SRGAP1: variants seen among roughly 807,000 people sequenced by gnomAD.
SRGAP1 encodes SLIT-ROBO Rho GTPase activating protein 1, also known as SLIT-ROBO Rho GTPase-activating protein 1.
In SRGAP1, 43 loss-of-function variants were observed where a neutral mutation model predicts 121.9. The observed-to-expected ratio is 0.35, with a 90% CI of 0.28 to 0.46. The LOEUF is 0.46. Among genes scored for constraint, SRGAP1 ranks in the 20% least tolerant of loss-of-function variants. SRGAP1 has a pLI of 1.00. For missense variants in SRGAP1, 1,102 were observed against 1,350.9 expected (o/e 0.82, Z 2.89); for synonymous variants, 447 against 485.4 (o/e 0.92, Z 1.04).
intron 1 of SRGAP1, among the ~76,000 whole-genome samples, chr12:63,972,719 A>G (rs1480425018): frequency 6.6e-6 from 1 of 152,244 alleles, no homozygotes; most frequent in African/African-American, 2.4e-5. Context: ...ATAATGATCT[A>G]AAACAAAAGC....
chr12:63,908,391 A>G (rs1165848857), intron 1 of SRGAP1, among the ~76,000 whole-genome samples: 1 of 152,112 alleles, frequency 6.6e-6, no homozygotes, highest in Non-Finnish European at 1.5e-5. Context: ...TTTTTCAACA[A>G]TGTTTTGTAG....
intron 1 of SRGAP1, among the ~76,000 whole-genome samples, chr12:63,935,551 A>G (rs1278278009): frequency 2.6e-5 from 4 of 152,228 alleles, no homozygotes; most frequent in East Asian, 3.8e-4. Context: ...GGCTTCAATT[A>G]TAAGTATAAA....
chr12:64,081,824 C>G (rs796854087), intron 10 of SRGAP1: 12 of 150,354 alleles, frequency 8.0e-5, no homozygotes, highest in African/African-American at 2.7e-4. Context: ...GTCAATGTGG[C>G]AAACATTAAC....
At chr12:63,981,557 AAGAC>A (rs2033246817) in intron 1 of SRGAP1, among the ~76,000 whole-genome samples, 1 of 152,206 alleles carries the variant, frequency 6.6e-6, no homozygotes, top group African/African-American at 2.4e-5. Context: ...GCGTTTTTGA[AAGAC>A]AAAGTTTGGC....
Position 64,127,646 on chromosome 12 carries a change from G to A in SRGAP1, c.2462G>A (p.Gly821Glu). The change falls in exon 20 of 22, where the codon GGG becomes GAG. Residue 821 changes from glycine (G) to glutamate (E), a missense_variant. By Grantham distance (98) the Gly-to-Glu change is moderately conservative. This residue lies in a region of SRGAP1 where 40 missense variants were observed against 78.4 expected (regional missense o/e 0.51). Transcript: ENST00000355086. ...SQKADSEASS[G>E]PVTEDKSSSK... The stretch of plus-strand genomic sequence containing the variant: ...AAAGCCGACAGTGAGGCCAGCAGTG[G>A]GCCAGTCACGGAAGACAAGTCCTCA... 6.2e-7 allele frequency: 1 copy of A among 1,614,034 alleles called. No homozygotes were observed. The highest frequency in any genetic ancestry group is 8.5e-7 in the Non-Finnish European group (1 of 1,180,000).
In SRGAP1 at chr12:64,080,598, A is replaced by G. The variant is rs1360232687; in HGVS notation, c.1408+228A>G. ...CGTAGTGAAATCTAGGGAGGGCTGGAAAGTCAATACCGAGCTCCTAGGGAG... is the reference window on the plus strand; with the variant it reads ...CGTAGTGAAATCTAGGGAGGGCTGGGAAGTCAATACCGAGCTCCTAGGGAG... On this transcript the variant is annotated intron_variant, in intron 10 of 21. Transcript: ENST00000355086. 6.6e-6 allele frequency: 4 copies of G among 602,850 alleles called. No individual in the cohort carries two copies. In the East Asian group the frequency reaches 1.2e-4, roughly 18 times the overall value. 37.3% of individuals were successfully genotyped at this position (602,850 alleles called of 1,614,324 possible).
chr12:63,854,158 A>G (rs570567776), intron 1 of SRGAP1, among the ~76,000 whole-genome samples: 2 of 152,256 alleles, frequency 1.3e-5, no homozygotes, highest in South Asian at 2.1e-4. Flanking sequence ...ACCCCCATGG[A>G]ATGTCCCTTT....
intron 1 of SRGAP1, among the ~76,000 whole-genome samples, chr12:63,968,839 C>T (rs1438843745): frequency 6.6e-6 from 1 of 152,180 alleles, no homozygotes; most frequent in East Asian, 1.9e-4. Flanking sequence ...GCAGACTGCT[C>T]GCTTGCCTCT....
intron 3 of SRGAP1, among the ~76,000 whole-genome samples, chr12:63,993,065 CAG>C (rs1555162846): frequency 6.6e-6 from 1 of 152,162 alleles, no homozygotes; most frequent in African/African-American, 2.4e-5. Context: ...GCAAAGGACA[CAG>C]GGAGAAATCA....
rs562549009 is a variant in SRGAP1, at chr12:64,076,802, C to T, written c.1126-2117C>T. Among the ~76,000 whole-genome samples, 119 of 152,070 alleles carry T rather than the reference C, an allele frequency of 7.8e-4. 1 individual carries two copies. Among genetic ancestry groups the T allele is most frequent in the African/African-American group, 2.7e-3 (110 of 41,502 alleles). On this transcript the variant is annotated intron_variant, in intron 8 of 21. Coordinates refer to ENST00000355086, the MANE Select transcript of SRGAP1 (RefSeq NM_020762.4). ...GCTGGATTACAGGCACATACCACCA[C>T]GCCCAGCTATTTTGTATTTTTAGTA...
intron 1 of SRGAP1, among the ~76,000 whole-genome samples, chr12:63,941,772 A>G (rs1326887030): frequency 1.3e-5 from 2 of 152,176 alleles, no homozygotes; most frequent in African/African-American, 2.4e-5. Context: ...TTTGTGGGAA[A>G]TAATTTAACC....
chr12:63,862,931 A>T (rs2136268590), intron 1 of SRGAP1, among the ~76,000 whole-genome samples: 1 of 152,318 alleles, frequency 6.6e-6, no homozygotes, highest in African/African-American at 2.4e-5. Context: ...AGTTCTGCCC[A>T]TTCCCTGTTC....
At chr12:64,030,030 C>T (rs2136485582) in intron 4 of SRGAP1, among the ~76,000 whole-genome samples, 1 of 152,230 alleles carries the variant, frequency 6.6e-6, no homozygotes, top group Non-Finnish European at 1.5e-5. Context: ...AGAAAAGAAT[C>T]TTTTGCTAAA....
intron 1 of SRGAP1, among the ~76,000 whole-genome samples, chr12:63,935,513 T>A (rs1347625037): frequency 1.3e-5 from 2 of 152,182 alleles, no homozygotes; most frequent in Non-Finnish European, 2.9e-5. Flanking sequence ...TCTACATAGT[T>A]TGGTATCATG....
chr12:63,965,973 T>C (rs911691790), intron 1 of SRGAP1, among the ~76,000 whole-genome samples: 3 of 152,148 alleles, frequency 2.0e-5, no homozygotes, highest in Non-Finnish European at 4.4e-5. Flanking sequence ...GCATCCGCCA[T>C]CATGCCCAGC....
intron 4 of SRGAP1, among the ~76,000 whole-genome samples, chr12:64,042,382 T>C (rs2035043029): frequency 6.6e-6 from 1 of 152,200 alleles, no homozygotes; most frequent in South Asian, 2.1e-4. Context: ...GCAATAAAAT[T>C]CCTTTAATAA....
intron 1 of SRGAP1, among the ~76,000 whole-genome samples, chr12:63,860,583 G>C (rs887226224): frequency 6.6e-6 from 1 of 152,086 alleles, no homozygotes; most frequent in Non-Finnish European, 1.5e-5. Flanking sequence ...ACATAAAATT[G>C]TTTACAGCAT....
chr12:63,918,800 C>T (rs1022943532), intron 1 of SRGAP1, among the ~76,000 whole-genome samples: 4 of 152,022 alleles, frequency 2.6e-5, no homozygotes, highest in Admixed American at 6.6e-5. Context: ...TTGTATATGC[C>T]GAGTACTCTT....
intron 8 of SRGAP1, among the ~76,000 whole-genome samples, chr12:64,070,623 T>C (rs2035621219): frequency 1.3e-5 from 2 of 152,202 alleles, no homozygotes; most frequent in Admixed American, 1.3e-4. Flanking sequence ...TAAATTTTCC[T>C]AGCACCATTT....
Sources: allele counts gnomAD v4.1 joint callset (sites outside exome capture counted in the v4.1 genomes callset), GRCh38; gene constraint gnomAD v4.1.1; regional missense constraint gnomAD v4.1.1; transcripts MANE v1.5; gene names NCBI Gene and HGNC (gene_info 2026-07-23, HGNC 2026-07-21).